The following SDHC variants were observed in gnomAD, a reference collection of about 807,000 sequenced individuals.
SDHC encodes the protein succinate dehydrogenase complex subunit C.
In SDHC, 11 loss-of-function variants were observed where a neutral mutation model predicts 22.6. That is an observed-to-expected ratio of 0.49 (90% CI 0.31 to 0.81). SDHC has a LOEUF of 0.81. SDHC is among the 30% of genes least tolerant of loss of function. The pLI is 0.05. For missense variants in SDHC, 160 were observed against 212.0 expected, an observed-to-expected ratio of 0.75 and a Z score of 1.52; for synonymous variants, 80 against 77.8, an observed-to-expected ratio of 1.03 and a Z score of -0.15.
chr1:161,326,028 C>A (rs1013603885), intron 2 of SDHC, among the ~76,000 whole-genome samples: 1 of 151,902 alleles, frequency 6.6e-6, no homozygotes, highest in South Asian at 2.1e-4. Context: ...GTACTGAAAC[C>A]CCATCTTGAC....
chr1:161,323,454 T>C (rs1436942602), intron 1 of SDHC, among the ~76,000 whole-genome samples, 160 bp from the exon 2 acceptor site: 1 of 152,180 alleles, frequency 6.6e-6, no homozygotes, highest in South Asian at 2.1e-4. Flanking sequence ...TTACTTGGAG[T>C]TGTAGCTTTT....
chr1:161,358,135 C>T (rs1672353803), intron 5 of SDHC, among the ~76,000 whole-genome samples: 1 of 147,228 alleles, frequency 6.8e-6, no homozygotes, highest in Non-Finnish European at 1.5e-5. Context: ...CTCCCAGGTT[C>T]AAGTGATTCT....
chr1:161,322,494 T>C (rs1670872222), intron 1 of SDHC, among the ~76,000 whole-genome samples: 1 of 152,188 alleles, frequency 6.6e-6, no homozygotes, highest in African/African-American at 2.4e-5. Context: ...GTTCCTGAAA[T>C]GAACTAGCTT....
At chr1:161,345,959 C>A (rs1171083009) in intron 4 of SDHC, among the ~76,000 whole-genome samples, 1 of 152,016 alleles carries the variant, frequency 6.6e-6, no homozygotes, top group Non-Finnish European at 1.5e-5. Flanking sequence ...GCACCCACTA[C>A]CATGCACGGC....
chr1:161,359,704 A>AT (rs1416896200), intron 5 of SDHC, among the ~76,000 whole-genome samples: 2 of 152,034 alleles, frequency 1.3e-5, no homozygotes, highest in East Asian at 1.9e-4. Flanking sequence ...GTCTGCTTTT[A>AT]TTTTTTCTTC....
At chr1:161,350,536 A>T (rs1235676479) in intron 4 of SDHC, among the ~76,000 whole-genome samples, 1 of 152,238 alleles carries the variant, frequency 6.6e-6, no homozygotes, top group South Asian at 2.1e-4. Flanking sequence ...AAACATATGC[A>T]TTAAATATGT....
At chr1:161,324,000 A>G (rs968074140) in intron 2 of SDHC, among the ~76,000 whole-genome samples, 3 of 152,062 alleles carry the variant, frequency 2.0e-5, no homozygotes, top group Non-Finnish European at 2.9e-5. Flanking sequence ...CCGGCCCTGG[A>G]GATTATTTTT....
intron 3 of SDHC, among the ~76,000 whole-genome samples, chr1:161,336,873 G>T (rs1411549533): frequency 6.6e-6 from 1 of 151,096 alleles, no homozygotes; most frequent in Non-Finnish European, 1.5e-5. Context: ...TTTTTTTATT[G>T]TTTTTTTTGC....
At chr1:161,332,923 A>G (rs545280393) in intron 3 of SDHC, among the ~76,000 whole-genome samples, 203 of 152,308 alleles carry the variant, frequency 1.3e-3, no homozygotes, top group Middle Eastern at 6.8e-3. Context: ...ATGAGCCACC[A>G]TGCCCAGCCA....
At chr1:161,328,971 G>A (rs1251905901) in intron 3 of SDHC, among the ~76,000 whole-genome samples, 2 of 151,906 alleles carry the variant, frequency 1.3e-5, no homozygotes, top group Non-Finnish European at 2.9e-5. Context: ...GTAGTGGCGC[G>A]ATCTCAGCTC....
chr1:161,330,779 T>A (rs1330220978), intron 3 of SDHC, among the ~76,000 whole-genome samples: 2 of 152,038 alleles, frequency 1.3e-5, no homozygotes, highest in Admixed American at 6.6e-5. Context: ...GCAGGTGAAT[T>A]TCCTGAGCTC....
At chr1:161,329,251 C>A (rs1671185308) in intron 3 of SDHC, among the ~76,000 whole-genome samples, 1 of 152,076 alleles carries the variant, frequency 6.6e-6, no homozygotes, top group African/African-American at 2.4e-5. Flanking sequence ...AGATTCCCAG[C>A]TGCTTAACAT....
At chr1:161,322,860 C>A (rs1251367966) in intron 1 of SDHC, among the ~76,000 whole-genome samples, 1 of 152,152 alleles carries the variant, frequency 6.6e-6, no homozygotes, top group Non-Finnish European at 1.5e-5. Context: ...CTGCACCTGG[C>A]CTGACCTTTT....
In SDHC at chr1:161,345,777, A is replaced by G. The variant is rs937066374; in HGVS notation, c.241+5122A>G. 4.0e-5 allele frequency among the ~76,000 whole-genome samples: 6 copies of G among 149,678 alleles called. No individual in the cohort carries two copies. In the Admixed American group the frequency reaches 4.0e-4, roughly 10 times the overall value. On this transcript the variant is annotated intron_variant, in intron 4 of 5. Coordinates refer to ENST00000367975, the MANE Select transcript of SDHC (RefSeq NM_003001.5). ...GGCAGTTGTAATTATTTTATTTGCTAACTTTTTATAAATCTGGGTTTTTTT... is the reference window on the plus strand; with the variant it reads ...GGCAGTTGTAATTATTTTATTTGCTGACTTTTTATAAATCTGGGTTTTTTT...
chr1:161,347,809 T>G (rs956237502), intron 4 of SDHC, among the ~76,000 whole-genome samples: 2 of 151,856 alleles, frequency 1.3e-5, no homozygotes, highest in African/African-American at 4.8e-5. Context: ...GAGGTTGCAG[T>G]GAGCCGAGAT....
At chr1:161,325,341 C>CAATA (rs56075649) in intron 2 of SDHC, among the ~76,000 whole-genome samples, 188 of 150,190 alleles carry the variant, frequency 1.3e-3, no homozygotes, top group Middle Eastern at 3.4e-3. Flanking sequence ...TACCCTGTCT[C>CAATA]AATAAATAAA....
rs74965619 is a variant in SDHC at position 161,330,180 on chromosome 1, G to A, written c.179+1683G>A. On this transcript the variant is annotated intron_variant, in intron 3 of 5. Transcript: ENST00000367975. ...TGACAAAATACATTCACCACATCGC[G>A]GTGGCCCCAAAAGTTTCAACCTACT... Among the ~76,000 whole-genome samples, 19 of 152,188 alleles carry A rather than the reference G, an allele frequency of 1.2e-4. No individual in the cohort carries two copies. The East Asian group carries it at 2.1e-3, about 17-fold the overall frequency.
At chr1:161,340,103 C>G (rs1671666633) in intron 3 of SDHC, among the ~76,000 whole-genome samples, 1 of 152,090 alleles carries the variant, frequency 6.6e-6, no homozygotes, top group South Asian at 2.1e-4. Context: ...ACCAGCCTGG[C>G]TAAGGTGATG....
At position 161,324,845 on chromosome 1, in the gene SDHC, A is replaced by G. The variant is rs570555736; in HGVS notation, c.77+1175A>G. On this transcript the variant is annotated intron_variant, in intron 2 of 5. Coordinates refer to ENST00000367975, the MANE Select transcript of SDHC (RefSeq NM_003001.5). Reference sequence around the variant, plus strand: ...AATTCAGGAAATTTAACATTGATGAACTCTTATCTGATACACAGTTGATTT... The same window carrying G: ...AATTCAGGAAATTTAACATTGATGAGCTCTTATCTGATACACAGTTGATTT... 1.6e-3 allele frequency among the ~76,000 whole-genome samples: 240 copies of G among 152,192 alleles called. 1 individual carries two copies. Among genetic ancestry groups the G allele is most frequent in the African/African-American group, 5.6e-3 (234 of 41,508 alleles).
Sources: gnomAD v4.1 joint callset for allele counts (sites outside exome capture counted in the v4.1 genomes callset) on GRCh38, gnomAD v4.1.1 for gene constraint, MANE v1.5 for transcripts, NCBI Gene and HGNC (gene_info 2026-07-23, HGNC 2026-07-21) for gene names.